Variants in FRMD8 observed in about 807,000 individuals in gnomAD.
FRMD8 encodes FERM domain containing 8, also known as FERM domain-containing protein 8.
Under a neutral mutation model 54.2 loss-of-function variants are expected in FRMD8, and 37 were observed. The ratio of observed to expected loss-of-function variants is 0.68; its 90% confidence interval spans 0.53 to 0.90. The LOEUF is 0.90. Ranked by LOEUF, FRMD8 falls within the 40% of genes least tolerant of loss-of-function variation. The pLI, the probability that FRMD8 is intolerant of heterozygous loss-of-function variation, is 0.00. For missense variants in FRMD8, 585 were observed against 653.7 expected (o/e 0.89, Z 1.15); for synonymous variants, 246 against 286.9 (o/e 0.86, Z 1.44).
chr11:65,393,977 A>T (rs1048208245), intron 4 of FRMD8, 64 bp from the exon 5 acceptor site: 15 of 1,570,674 alleles, frequency 9.6e-6, no homozygotes, highest in Non-Finnish European at 1.3e-5. Context: ...GCCTGGGCCA[A>T]TCGGGAGAGG....
intron 3 of FRMD8, among the ~76,000 whole-genome samples, chr11:65,392,121 G>A (rs1855857723): frequency 2.0e-5 from 3 of 152,314 alleles, no homozygotes; most frequent in African/African-American, 7.2e-5. Flanking sequence ...ACAGATGGGT[G>A]GGGCCCAGGG....
chr11:65,380,582 G>A, the FRMD8 span: 28 of 1,298,150 alleles, frequency 2.2e-5, no homozygotes, highest in South Asian at 2.5e-5. Context: ...TGTCGTCGCC[G>A]GGATCCAGAG....
In FRMD8 at chr11:65,396,981, G is replaced by T; in HGVS notation, c.764G>T (p.Arg255Leu). The T allele has an allele frequency of 6.7e-7, 1 of 1,487,202 alleles. No individual in the cohort carries two copies. The highest frequency in any genetic ancestry group is 1.3e-5 in the South Asian group (1 of 76,056). The allele number at this position is 1,487,202 out of a possible 1,614,324, so 92.1% of individuals were successfully genotyped here. The change falls in exon 7 of 11, where the codon CGC becomes CTC. Residue 255 changes from arginine (R) to leucine (L), a missense_variant. Transcript: ENST00000317568. ...GAGGCCGCCCTGGGCACCCACTACC[G>T]CGCCTATCTCCTCAAGTGCCACGAG... ...GCEAALGTHY[R>L]AYLLKCHELP...
At chr11:65,374,196 A>G in the FRMD8 span, among the ~76,000 whole-genome samples, 4 of 151,832 alleles carry the variant, frequency 2.6e-5, no homozygotes, top group South Asian at 2.1e-4. Flanking sequence ...TCTGCAGCAC[A>G]TGATCTGGTG....
chr11:65,394,444 T>G lies in FRMD8; in HGVS notation c.581+19T>G, dbSNP rs773952195. On this transcript the variant is annotated intron_variant, in intron 6 of 10. Transcript: ENST00000317568. ...ACCTGAGGTGAGGGCCTGTGTGACT[T>G]GAGGCGGGGGCGCTGGGTGGGGGAG... 1.9e-6 allele frequency: 3 copies of G among 1,557,614 alleles called. No homozygotes were observed. The highest frequency in any genetic ancestry group is 1.9e-5 in the Admixed American group (1 of 52,478).
chr11:65,396,983 G>A lies in FRMD8; in HGVS notation c.766G>A (p.Ala256Thr), dbSNP rs539899484. The change falls in exon 7 of 11, where the codon GCC (alanine) becomes ACC (threonine). Residue 256 changes from alanine (A) to threonine (T), a missense_variant. Coordinates refer to ENST00000317568, the MANE Select transcript of FRMD8 (RefSeq NM_031904.5). The stretch of plus-strand genomic sequence containing the variant: ...GGCCGCCCTGGGCACCCACTACCGC[G>A]CCTATCTCCTCAAGTGCCACGAGCT... ...CEAALGTHYR[A>T]YLLKCHELPF... 111 of 1,484,888 alleles carry A rather than the reference G, an allele frequency of 7.5e-5. 1 individual carries two copies. The East Asian group carries it at 2.2e-3, about 30-fold the overall frequency. 92.0% of individuals were successfully genotyped at this position (1,484,888 alleles called of 1,614,324 possible).
At chr11:65,369,093 T>A in the FRMD8 span, among the ~76,000 whole-genome samples, 2 of 152,008 alleles carry the variant, frequency 1.3e-5, no homozygotes, top group Non-Finnish European at 2.9e-5. Flanking sequence ...TCTAACATAA[T>A]GGAAGGCAAA....
At chr11:65,389,938 G>C (rs1262789793) in intron 3 of FRMD8, among the ~76,000 whole-genome samples, 1 of 152,222 alleles carries the variant, frequency 6.6e-6, no homozygotes, top group Non-Finnish European at 1.5e-5. Context: ...GGAAGTTGTA[G>C]TTAGGGTGGC....
chr11:65,393,670 C>T lies in FRMD8; in HGVS notation c.351C>T (p.Ala117=). 1 of 1,603,486 alleles carries T rather than the reference C, an allele frequency of 6.2e-7. No homozygotes were observed. The part of the protein sequence containing the change: ...RFTSAPDDDV[A]MDEPFLQFRR... ...CCAGTGCCCCAGACGATGACGTGGC[C>T]ATGGGTCAGTGCTGCTGCCTGTCTG... Residue 117 remains alanine, a synonymous_variant, in exon 4 of 11, where the codon GCC becomes GCT. Coordinates refer to ENST00000317568, the MANE Select transcript of FRMD8 (RefSeq NM_031904.5).
Position 65,411,452 on chromosome 11 carries a change from G to C in FRMD8, c.*92G>C. 1 of 794,526 alleles carries C rather than the reference G, an allele frequency of 1.3e-6. No homozygotes were observed. Among genetic ancestry groups the C allele is most frequent in the South Asian group, 2.0e-5 (1 of 48,798 alleles). 49.2% of individuals were successfully genotyped at this position (794,526 alleles called of 1,614,324 possible). On this transcript the variant is annotated 3_prime_UTR_variant, in exon 11 of 11. Transcript: ENST00000317568. ...AGGCGCCGGCTGCAACAGTCTCATG[G>C]GTCACCACGTGGGGAGGGCTGCCTC...
At chr11:65,399,431 C>G (rs1295472871) in intron 7 of FRMD8, among the ~76,000 whole-genome samples, 2 of 152,182 alleles carry the variant, frequency 1.3e-5, no homozygotes, top group African/African-American at 4.8e-5. Flanking sequence ...GCCCTGGCCC[C>G]CAGACCAAGT....
chr11:65,377,208 C>A, the FRMD8 span: 1 of 1,446,044 alleles, frequency 6.9e-7, no homozygotes, highest in Non-Finnish European at 9.1e-7. Flanking sequence ...CGGCACCCAG[C>A]CTCTCACGTG....
the FRMD8 span, chr11:65,375,206 C>T: frequency 6.6e-6 from 1 of 152,258 alleles, no homozygotes; most frequent in Non-Finnish European, 1.5e-5. Flanking sequence ...ATTTAACGAG[C>T]ATTTATTGCA....
At chr11:65,376,855 C>A in the FRMD8 span, 3 of 1,614,236 alleles carry the variant, frequency 1.9e-6, no homozygotes, top group South Asian at 3.3e-5. Flanking sequence ...GGCGACAGAG[C>A]CCTTCATAGG....
the FRMD8 span, among the ~76,000 whole-genome samples, chr11:65,372,600 C>G: frequency 6.6e-6 from 1 of 152,100 alleles, no homozygotes; most frequent in African/African-American, 2.4e-5. Context: ...ATTTTACTCC[C>G]TTGCTGTTTT....
intron 2 of FRMD8, among the ~76,000 whole-genome samples, chr11:65,387,503 C>A (rs920925799): frequency 1.3e-5 from 2 of 152,014 alleles, no homozygotes; most frequent in Admixed American, 1.3e-4. Context: ...GAAAGTGACA[C>A]GTTCACTTTC....
chr11:65,404,827 G>A lies in FRMD8; in HGVS notation c.1072-37G>A, dbSNP rs1273378720. On this transcript the variant is annotated intron_variant, in intron 9 of 10. Coordinates refer to ENST00000317568, the MANE Select transcript of FRMD8 (RefSeq NM_031904.5). This position sits in a 1 kb window ranked among gnomAD's most constrained non-coding sequence, Gnocchi z 4.7. ...GGCTCAGCAACAGGCATGGAAGGGG[G>A]CCCTGGCCAGGCCTCACACTGCCCC... The A allele has an allele frequency of 2.6e-6, 4 of 1,558,190 alleles. No individual in the cohort carries two copies. Among genetic ancestry groups the A allele is most frequent in the South Asian group, 1.1e-5 (1 of 88,968 alleles).
upstream of FRMD8, among the ~76,000 whole-genome samples, chr11:65,385,059 C>T (rs1855708815): frequency 6.6e-6 from 1 of 152,194 alleles, no homozygotes; most frequent in Non-Finnish European, 1.5e-5. Context: ...ACAACAGACA[C>T]TTTCTGAGGG....
chr11:65,371,817 T>C, the FRMD8 span, among the ~76,000 whole-genome samples: 1 of 152,064 alleles, frequency 6.6e-6, no homozygotes, highest in Non-Finnish European at 1.5e-5. Flanking sequence ...CGTTTCACTG[T>C]GTTAGCCAGG....
Sources: allele counts gnomAD v4.1 joint callset (sites outside exome capture counted in the v4.1 genomes callset), GRCh38; gene constraint gnomAD v4.1.1; non-coding constraint Gnocchi (gnomAD v3.1); transcripts MANE v1.5; gene names NCBI Gene and HGNC (gene_info 2026-07-23, HGNC 2026-07-21).